Variants in TBC1D8B observed in about 807,000 individuals in gnomAD.
TBC1D8B encodes the protein TBC1 domain family member 8B.
Under a neutral mutation model 82.9 loss-of-function variants are expected in TBC1D8B, and 75 were observed. That is an observed-to-expected ratio of 0.90 (90% confidence interval 0.75 to 1.10). The LOEUF is 1.10. TBC1D8B is among the 50% of genes least tolerant of loss of function. The pLI is 0.00. For synonymous variants in TBC1D8B, 276 were observed against 276.8 expected (o/e 1.00, Z 0.03); for missense variants, 794 against 796.9 (o/e 1.00, Z 0.04).
chrX:106,852,487 G>A (rs866539949), intron 12 of TBC1D8B, among the ~76,000 whole-genome samples: 2 of 111,757 alleles, frequency 1.8e-5, no homozygotes, highest in African/African-American at 6.5e-5. Context: ...TGAAGTGCTT[G>A]CACATGCCTA....
chrX:106,848,147 CAATATTT>C, intron 10 of TBC1D8B, 32 bp from the exon 11 acceptor site: 1 of 937,300 alleles, frequency 1.1e-6, no homozygotes, highest in Non-Finnish European at 1.5e-6. Context: ...ATTACTTGAG[CAATATTT>C]GCTTTTTAAT....
intron 14 of TBC1D8B, among the ~76,000 whole-genome samples, chrX:106,861,843 AT>A (rs1395276939): frequency 2.1e-4 from 23 of 111,840 alleles, no homozygotes; most frequent in Non-Finnish European, 4.1e-4. Context: ...TCAATAGTCT[AT>A]GTACTTAAGT....
intron 11 of TBC1D8B, 47 bp from the exon 12 acceptor site, chrX:106,849,978 T>A: frequency 8.8e-7 from 1 of 1,141,206 alleles, no homozygotes; most frequent in South Asian, 2.2e-5. Context: ...TGGAAACAAG[T>A]CCTTTTGAAA....
rs762277701 is a variant in TBC1D8B at position 106,827,269 on chromosome X, C to T, written c.1135C>T (p.Gln379Ter). The T allele has an allele frequency of 4.1e-6, 5 of 1,210,895 alleles. No individual in the cohort carries two copies. In the South Asian group the frequency reaches 8.8e-5, roughly 21 times the overall value. The change falls in exon 7 of 21, where the codon CAA becomes TAA. Residue 379 changes from glutamine (Q) to a stop codon, truncating the protein, a stop_gained. Coordinates refer to ENST00000357242, the MANE Select transcript of TBC1D8B (RefSeq NM_017752.3). LOFTEE classifies it high-confidence loss of function. ...FRFHEVKDFE[Q>*]LVAKLRLRCG... is the part of the protein sequence containing the mutation. Reference sequence around the variant, plus strand: ...CTTCCATGAAGTTAAAGACTTTGAACAACTGGTAGCAAAACTCAGGCTCAG... The same window carrying T: ...CTTCCATGAAGTTAAAGACTTTGAATAACTGGTAGCAAAACTCAGGCTCAG...
Position 106,873,620 on chromosome X carries a change from C to T in TBC1D8B, c.3018C>T (p.Asp1006=), listed in dbSNP as rs763532292. 8.3e-7 allele frequency: 1 copy of T among 1,209,045 alleles called. No homozygotes were observed. The change falls in exon 21 of 21, where the codon GAC becomes GAT. Residue 1006 remains aspartate, a synonymous_variant. Transcript: ENST00000357242. ...SKTLYNLFHE[D]PEEESLYQAI... Reference sequence around the variant, plus strand: ...CCCTCTATAACTTATTTCATGAGGACCCTGAAGAAGAATCATTATATCAAG... The same window carrying T: ...CCCTCTATAACTTATTTCATGAGGATCCTGAAGAAGAATCATTATATCAAG...
chrX:106,845,302 C>G (rs762362997), intron 10 of TBC1D8B, among the ~76,000 whole-genome samples: 18 of 110,201 alleles, frequency 1.6e-4, no homozygotes, highest in Middle Eastern at 9.4e-3. Flanking sequence ...TATTTCTAGT[C>G]TTTTTTTTAA....
Position 106,866,929 on chromosome X carries a change from A to G in TBC1D8B, c.2728+67A>G. 8.4e-6 allele frequency: 7 copies of G among 833,095 alleles called. No homozygotes were observed. The South Asian group carries it at 2.0e-4, about 24-fold the overall frequency. The allele number at this position is 833,095 out of a possible 1,213,427, so 68.7% of individuals were successfully genotyped here. ...ATTCCATTTTAGCAAGTATAATTACAGATTTTTTTAACAACTAAACTAATT... is the reference window on the plus strand; with the variant it reads ...ATTCCATTTTAGCAAGTATAATTACGGATTTTTTTAACAACTAAACTAATT... On this transcript the variant is annotated intron_variant, in intron 17 of 20. Transcript: ENST00000357242.
intron 11 of TBC1D8B, chrX:106,849,162 C>A: frequency 1.1e-6 from 1 of 877,141 alleles, no homozygotes; most frequent in Non-Finnish European, 1.6e-6. Flanking sequence ...CCGTAATAGG[C>A]TTTCAGGATT....
chrX:106,834,582 A>AAAGGCTCATCTGAGATAAAGC (rs1228530023), intron 7 of TBC1D8B, among the ~76,000 whole-genome samples: 1 of 111,806 alleles, frequency 8.9e-6, no homozygotes, highest in African/African-American at 3.3e-5. Flanking sequence ...GTCTGGGTCC[A>AAAGGCTCATCTGAGATAAAGC]AAGGCTCATC....
At position 106,848,188 on chromosome X, in the gene TBC1D8B, A is replaced by G; in HGVS notation, c.1722A>G (p.Ala574=). The change falls in exon 11 of 21, where the codon GCA becomes GCG. Residue 574 remains alanine (A), a splice_region_variant and synonymous_variant. Transcript: ENST00000357242. ...YRNPKIGYCQ[A]MNILTSVLLL... ...ATACTGTTTTCTATGAATTTTAGGC[A>G]ATGAATATTTTGACTTCAGTGCTGC... 8.5e-7 allele frequency: 1 copy of G among 1,170,618 alleles called. No homozygotes were observed. The highest frequency in any genetic ancestry group is 2.0e-5 in the South Asian group (1 of 50,455).
chrX:106,830,387 C>G (rs369377094), intron 7 of TBC1D8B, among the ~76,000 whole-genome samples: 10 of 111,352 alleles, frequency 9.0e-5, no homozygotes, highest in East Asian at 2.8e-4. Flanking sequence ...GTCAGTGTGG[C>G]GATTCCTCAG....
At chrX:106,837,184 T>C (rs1429416087) in intron 7 of TBC1D8B, among the ~76,000 whole-genome samples, 1 of 111,408 alleles carries the variant, frequency 9.0e-6, no homozygotes, top group African/African-American at 3.3e-5. Context: ...AAAGAAAAAA[T>C]AGGTAAATTG....
At position 106,873,731 on chromosome X, in the gene TBC1D8B, C is replaced by T. The variant is rs1932866747; in HGVS notation, c.3129C>T (p.Phe1043=). 1 of 1,211,686 alleles carries T rather than the reference C, an allele frequency of 8.3e-7. No homozygotes were observed. The highest frequency in any genetic ancestry group is 3.0e-5 in the East Asian group (1 of 33,828). ...GCCCTACATCATCAGCCAAAGGATTCTCTGGTACTGTCTGTGGTTCTGGAG... is the reference window on the plus strand; with the variant it reads ...GCCCTACATCATCAGCCAAAGGATTTTCTGGTACTGTCTGTGGTTCTGGAG... ...LHSPTSSAKG[F]SGTVCGSGGP... Residue 1043 remains phenylalanine, a synonymous_variant, in exon 21 of 21, where the codon TTC becomes TTT. Coordinates refer to ENST00000357242, the MANE Select transcript of TBC1D8B (RefSeq NM_017752.3).
At chrX:106,837,497 C>T (rs959507446) in intron 7 of TBC1D8B, among the ~76,000 whole-genome samples, 3 of 111,413 alleles carry the variant, frequency 2.7e-5, no homozygotes, top group African/African-American at 6.5e-5. Flanking sequence ...AATGAGATAC[C>T]ATTTCATACC....
chrX:106,804,003 T>C (rs1931113843), intron 1 of TBC1D8B, among the ~76,000 whole-genome samples: 1 of 111,917 alleles, frequency 8.9e-6, no homozygotes, highest in East Asian at 2.8e-4. Flanking sequence ...TTCCTCAAAC[T>C]CTTTCATTTA....
chrX:106,865,724 T>C (rs2147772657), intron 15 of TBC1D8B, 69 bp from the exon 16 acceptor site: 1 of 1,106,299 alleles, frequency 9.0e-7, no homozygotes, highest in East Asian at 3.1e-5. Context: ...TTAGCAGACA[T>C]GGTTTTTAAA....
At chrX:106,843,962 ATT>A (rs1211519583) in intron 10 of TBC1D8B, among the ~76,000 whole-genome samples, 1 of 111,007 alleles carries the variant, frequency 9.0e-6, no homozygotes, top group African/African-American at 3.3e-5. Context: ...AAGTATTTTA[ATT>A]TTTTGTTATT....
intron 6 of TBC1D8B, 129 bp from the exon 7 acceptor site, chrX:106,827,041 T>C: frequency 1.5e-6 from 1 of 672,471 alleles, no homozygotes; most frequent in Admixed American, 3.2e-5. Flanking sequence ...GTACCCAAAG[T>C]CTATTTCTTA....
rs369026817 is a variant in TBC1D8B at position 106,853,104 on chromosome X, C to T, written c.2124-417C>T. Among the ~76,000 whole-genome samples, 159 of 111,060 alleles carry T rather than the reference C, an allele frequency of 1.4e-3. 1 individual carries two copies. Among genetic ancestry groups the T allele is most frequent in the African/African-American group, 4.9e-3 (149 of 30,570 alleles). ...TTGTATCCTCTTTTATTTCCTTGAG[C>T]AGTGGTTTGTAGTTCTCCTTGAAGA... On this transcript the variant is annotated intron_variant, in intron 12 of 20. Coordinates refer to ENST00000357242, the MANE Select transcript of TBC1D8B (RefSeq NM_017752.3).
Sources: allele counts gnomAD v4.1 joint callset (sites outside exome capture counted in the v4.1 genomes callset), GRCh38; gene constraint gnomAD v4.1.1; transcripts MANE v1.5; gene names NCBI Gene and HGNC (gene_info 2026-07-23, HGNC 2026-07-21).